Variants in LRBA observed in about 807,000 individuals in gnomAD.
LRBA encodes the protein LPS responsive beige-like anchor protein, also known as lipopolysaccharide-responsive and beige-like anchor protein.
LRBA carries 176 observed loss-of-function variants against 330.0 expected under a neutral mutation model. The ratio of observed to expected loss-of-function variants is 0.53; its 90% CI spans 0.47 to 0.60. The LOEUF is 0.60. Ranked by LOEUF, LRBA falls within the 20% of genes least tolerant of loss-of-function variation. The probability of loss-of-function intolerance (pLI) is 0.00; values close to 1 mark genes in which losing one functional copy is unlikely to be tolerated. For synonymous variants in LRBA, 1,230 were observed against 1,193.0 expected, an observed-to-expected ratio of 1.03 and a Z score of -0.64; for missense variants, 3,259 against 3,444.8, an observed-to-expected ratio of 0.95 and a Z score of 1.35.
chr4:150,380,684 T>C (rs970787260), intron 47 of LRBA, among the ~76,000 whole-genome samples: 13 of 152,156 alleles, frequency 8.5e-5, no homozygotes, highest in Admixed American at 3.3e-4. Flanking sequence ...ATTAAGTATA[T>C]TTTGTTTTAG....
intron 47 of LRBA, among the ~76,000 whole-genome samples, chr4:150,386,818 C>G (rs764080075): frequency 1.3e-5 from 2 of 152,138 alleles, no homozygotes; most frequent in Non-Finnish European, 2.9e-5. Flanking sequence ...GTGTCTGCCT[C>G]TAGGTCTTTG....
intron 48 of LRBA, among the ~76,000 whole-genome samples, chr4:150,326,372 C>T (rs1173189859): frequency 2.0e-5 from 3 of 152,096 alleles, no homozygotes; most frequent in Non-Finnish European, 4.4e-5. Flanking sequence ...ATTAATTTTG[C>T]CATAGGAAGA....
intron 37 of LRBA, among the ~76,000 whole-genome samples, chr4:150,611,056 A>G (rs975864175): frequency 6.6e-6 from 1 of 152,202 alleles, no homozygotes; most frequent in Non-Finnish European, 1.5e-5. Flanking sequence ...TGATAGGATC[A>G]CTAGCCAGGA....
At chr4:150,366,042 A>T (rs1739427765) in intron 47 of LRBA, among the ~76,000 whole-genome samples, 1 of 152,154 alleles carries the variant, frequency 6.6e-6, no homozygotes, top group East Asian at 1.9e-4. Context: ...AGATTTTTTT[A>T]TTTTAAAAAA....
intron 46 of LRBA, 81 bp downstream of exon 46, chr4:150,435,508 T>C: frequency 3.8e-6 from 5 of 1,316,450 alleles, no homozygotes; most frequent in Non-Finnish European, 5.3e-6. Flanking sequence ...TAGGGCTGTA[T>C]GGCAGTAGAG....
At position 150,590,754 on chromosome 4, in the gene LRBA, G is replaced by A. The variant is rs1772721210; in HGVS notation, c.6152C>T (p.Thr2051Ile). 6.2e-7 allele frequency: 1 copy of A among 1,614,034 alleles called. No individual in the cohort carries two copies. The highest frequency in any genetic ancestry group is 8.5e-7 in the Non-Finnish European group (1 of 1,179,936). The change falls in exon 39 of 57, where the codon ACT becomes ATT. Residue 2051 changes from threonine to isoleucine, a missense_variant. By Grantham distance (89) the Thr-to-Ile change is moderately conservative. Transcript: ENST00000651943. Reference sequence around the variant, plus strand: ...ATCTTTCTCATCCACGGATGACAGAGTATCATCATCGCCTTCCAGGAGGAT... The same window carrying A: ...ATCTTTCTCATCCACGGATGACAGAATATCATCATCGCCTTCCAGGAGGAT... ...NEILLEGDDD[T>I]LSSVDEKDLE...
intron 28 of LRBA, among the ~76,000 whole-genome samples, chr4:150,838,056 G>GTT (rs1748437176): frequency 6.6e-6 from 1 of 152,096 alleles, no homozygotes; most frequent in African/African-American, 2.4e-5. Flanking sequence ...ATGAAGCTTA[G>GTT]TTTGGCTGGA....
At chr4:150,889,685 T>A (rs192679764) in intron 17 of LRBA, among the ~76,000 whole-genome samples, 1 of 152,280 alleles carries the variant, frequency 6.6e-6, no homozygotes, top group Non-Finnish European at 1.5e-5. Context: ...CCAACCCCAG[T>A]TTGTGGAAAA....
At chr4:150,548,284 T>C (rs1001713051) in intron 40 of LRBA, among the ~76,000 whole-genome samples, 1 of 152,202 alleles carries the variant, frequency 6.6e-6, no homozygotes, top group African/African-American at 2.4e-5. Context: ...TGTAGTACTT[T>C]TGTCTTCTGT....
chr4:150,679,082 C>T (rs985345058), intron 37 of LRBA, among the ~76,000 whole-genome samples: 1 of 151,850 alleles, frequency 6.6e-6, no homozygotes, highest in Non-Finnish European at 1.5e-5. Flanking sequence ...AAGATGAGTT[C>T]AATATTGAAT....
In LRBA at chr4:150,893,146, C is replaced by A; in HGVS notation, c.2071G>T (p.Asp691Tyr). The A allele has an allele frequency of 6.3e-7, 1 of 1,589,790 alleles. No homozygotes were observed. The highest frequency in any genetic ancestry group is 1.1e-5 in the South Asian group (1 of 89,008). Residue 691 changes from aspartate to tyrosine, a missense_variant, in exon 17 of 57, where the codon GAC (aspartate) becomes TAC (tyrosine). Physicochemically the swap from Asp to Tyr is radical, Grantham distance 160. Transcript: ENST00000651943. Reference protein sequence around the residue: ...LNYLLTMHEDDNLMDVLQLLV... With the variant: ...LNYLLTMHEDYNLMDVLQLLV... ...AGCTGTAGGACATCCATTAGATTGT[C>A]ATCCTATAATCATTTTAGAAATTTT...
intron 41 of LRBA, among the ~76,000 whole-genome samples, chr4:150,488,797 A>C (rs528847020): frequency 6.7e-6 from 1 of 149,748 alleles, no homozygotes; most frequent in African/African-American, 2.4e-5. Flanking sequence ...TTTTTAAAAC[A>C]CTGGCATTGC....
Position 150,710,645 on chromosome 4 carries a change from C to T in LRBA, c.5754+24613G>A, listed in dbSNP as rs569229451. 5.9e-4 allele frequency among the ~76,000 whole-genome samples: 89 copies of T among 152,078 alleles called. 1 individual carries two copies. Among genetic ancestry groups the T allele is most frequent in the Non-Finnish European group, 7.4e-4 (50 of 67,978 alleles). On this transcript the variant is annotated intron_variant, in intron 36 of 56. Transcript: ENST00000651943. The stretch of plus-strand genomic sequence containing the variant: ...AGGTAGTAAACATGAGCCAAAGAGA[C>T]GTACCAAATTCCCTATTTTTCTTCT...
At chr4:150,453,345 G>C (rs1753628216) in intron 44 of LRBA, among the ~76,000 whole-genome samples, 1 of 152,088 alleles carries the variant, frequency 6.6e-6, no homozygotes, top group Non-Finnish European at 1.5e-5. Flanking sequence ...GTGAAGAACA[G>C]AGTCTAGAAA....
intron 35 of LRBA, among the ~76,000 whole-genome samples, chr4:150,744,107 C>A (rs1183596377): frequency 6.6e-6 from 1 of 152,174 alleles, no homozygotes; most frequent in Middle Eastern, 3.4e-3. Context: ...TTAGGCATTA[C>A]AGACAAAAAC....
Position 150,987,223 on chromosome 4 carries a change from C to A in LRBA, c.216+27204G>T, listed in dbSNP as rs556471332. Among the ~76,000 whole-genome samples the A allele has an allele frequency of 3.9e-5, 6 of 152,182 alleles. No homozygotes were observed. The South Asian group carries it at 1.0e-3, about 26-fold the overall frequency. ...AGGATTGTAAACAGACTTTGATTTGCAATTAAGAATATTTTACTCCTACTC... is the reference window on the plus strand; with the variant it reads ...AGGATTGTAAACAGACTTTGATTTGAAATTAAGAATATTTTACTCCTACTC... On this transcript the variant is annotated intron_variant, in intron 2 of 56. Coordinates refer to ENST00000651943, the MANE Select transcript of LRBA (RefSeq NM_001364905.1).
intron 47 of LRBA, among the ~76,000 whole-genome samples, chr4:150,363,207 C>T (rs182071031): frequency 5.3e-4 from 80 of 152,150 alleles, no homozygotes; most frequent in Non-Finnish European, 8.7e-4. Context: ...TTGTTCACAG[C>T]GCTTCTTATA....
At chr4:150,717,795 T>G (rs1245266353) in intron 36 of LRBA, among the ~76,000 whole-genome samples, 1 of 151,654 alleles carries the variant, frequency 6.6e-6, no homozygotes, top group Non-Finnish European at 1.5e-5. Context: ...GCAGTTCCAC[T>G]GAAGCTAGCA....
At chr4:150,909,512 T>G (rs1268419251) in intron 9 of LRBA, among the ~76,000 whole-genome samples, 1 of 152,194 alleles carries the variant, frequency 6.6e-6, no homozygotes, top group African/African-American at 2.4e-5. Context: ...GTCTGTCACA[T>G]TTTCTTTATC....
Sources: gnomAD v4.1 joint callset for allele counts (sites outside exome capture counted in the v4.1 genomes callset) on GRCh38, gnomAD v4.1.1 for gene constraint, MANE v1.5 for transcripts, NCBI Gene and HGNC (gene_info 2026-07-23, HGNC 2026-07-21) for gene names.